Variants in TCF7 observed in about 807,000 individuals in gnomAD.
TCF7 encodes the protein transcription factor 7, also known as T-cell-factor-7.
A neutral mutation model predicts 46.8 loss-of-function variants in TCF7; 19 were observed. The observed-to-expected ratio is 0.41, with a 90% CI of 0.28 to 0.60. The LOEUF is 0.60. Among genes scored for constraint, TCF7 ranks in the 20% least tolerant of loss-of-function variants. TCF7 has a pLI of 0.35. For missense variants in TCF7, 547 were observed against 504.6 expected, an observed-to-expected ratio of 1.08 and a Z score of -0.81; for synonymous variants, 245 against 213.4, an observed-to-expected ratio of 1.15 and a Z score of -1.29.
intron 9 of TCF7, 155 bp from the exon 10 acceptor site, chr5:134,146,069 A>C (rs1580911295): frequency 6.3e-7 from 1 of 1,576,434 alleles, no homozygotes; most frequent in Non-Finnish European, 8.6e-7. Flanking sequence ...CAGACCAAGC[A>C]GAATGGCAGT....
At chr5:134,141,925 G>A in intron 5 of TCF7, 1 of 370,166 alleles carries the variant, frequency 2.7e-6, no homozygotes, top group East Asian at 4.5e-5. Context: ...GTGAGAAGGG[G>A]ACAGATTCAA....
chr5:134,113,030 G>A (rs531547198), upstream of TCF7, among the ~76,000 whole-genome samples: 1 of 152,304 alleles, frequency 6.6e-6, no homozygotes, highest in African/African-American at 2.4e-5. Flanking sequence ...CTCACCCTAT[G>A]CCAGACCCTA....
chr5:134,115,474 G>A (rs1580785017), intron 2 of TCF7, 87 bp downstream of exon 2: 2 of 1,516,892 alleles, frequency 1.3e-6, no homozygotes, highest in South Asian at 1.2e-5. Context: ...GCGGGGAGCC[G>A]GGTGCCTCCC....
chr5:134,143,780 A>T, intron 9 of TCF7, 140 bp downstream of exon 9: 1 of 879,924 alleles, frequency 1.1e-6, no homozygotes, highest in Non-Finnish European at 1.7e-6. Flanking sequence ...CAAGGCCTGC[A>T]TCTCACAAGT....
chr5:134,119,958 C>T (rs1478544532), intron 3 of TCF7, among the ~76,000 whole-genome samples: 2 of 152,192 alleles, frequency 1.3e-5, no homozygotes, highest in East Asian at 1.9e-4. Flanking sequence ...ACTGGGCCCC[C>T]AGACTGGAAC....
At chr5:134,118,617 AG>A (rs1756160201) in intron 3 of TCF7, among the ~76,000 whole-genome samples, 3 of 152,264 alleles carry the variant, frequency 2.0e-5, no homozygotes, top group African/African-American at 7.2e-5. Context: ...TCTTCCAAAA[AG>A]GTTCCTTCTT....
In TCF7 at chr5:134,139,025, C is replaced by A; in HGVS notation, c.622C>A (p.His208Asn). Residue 208 changes from histidine to asparagine, a missense_variant, in exon 5 of 10, where the codon CAC becomes AAC. Physicochemically the swap from His to Asn is moderately conservative, Grantham distance 68 (BLOSUM62 1). This residue lies in a region of TCF7 where 425 missense variants were observed against 349.9 expected (regional missense o/e 1.21). Coordinates refer to ENST00000342854, the MANE Select transcript of TCF7 (RefSeq NM_003202.5). ...LTSGSMGQLPHTVSWFTHPSL... is the reference protein window; with the variant it reads ...LTSGSMGQLPNTVSWFTHPSL... Reference sequence around the variant, plus strand: ...CTCAGGCAGCATGGGGCAGCTCCCCCACACTGTGAGCTGGTGAGTGTGGGC... The same window carrying A: ...CTCAGGCAGCATGGGGCAGCTCCCCAACACTGTGAGCTGGTGAGTGTGGGC... 6.2e-7 allele frequency: 1 copy of A among 1,613,886 alleles called. No individual in the cohort carries two copies. Among genetic ancestry groups the A allele is most frequent in the Non-Finnish European group, 8.5e-7 (1 of 1,180,008 alleles).
chr5:134,145,587 C>T, intron 9 of TCF7: 2 of 774,362 alleles, frequency 2.6e-6, no homozygotes, highest in East Asian at 2.7e-5. Context: ...GCCACTGGCT[C>T]TAAGGAACAC....
chr5:134,144,019 T>G (rs1760287783), intron 9 of TCF7: 1 of 212,364 alleles, frequency 4.7e-6, no homozygotes, highest in South Asian at 8.0e-5. Context: ...GAGGCTGAGC[T>G]AGGCCCCATG....
At chr5:134,143,282 C>T (rs755410610) in intron 8 of TCF7, 182 bp downstream of exon 8, 2 of 756,752 alleles carry the variant, frequency 2.6e-6, no homozygotes, top group East Asian at 4.9e-5. Flanking sequence ...ATCCTATTCT[C>T]CACTCCAGAA....
the TCF7 span, among the ~76,000 whole-genome samples, chr5:134,109,355 G>A: frequency 1.3e-5 from 2 of 152,172 alleles, no homozygotes; most frequent in African/African-American, 4.8e-5. Context: ...CTGTGAAGCT[G>A]CAGGTGACCC....
At chr5:134,135,337 T>A (rs1758711902) in intron 3 of TCF7, among the ~76,000 whole-genome samples, 1 of 152,070 alleles carries the variant, frequency 6.6e-6, no homozygotes, top group African/African-American at 2.4e-5. Context: ...AGTGACACGA[T>A]CTGATTCCTG....
intron 3 of TCF7, among the ~76,000 whole-genome samples, chr5:134,129,723 G>A (rs913001700): frequency 2.6e-5 from 4 of 152,252 alleles, no homozygotes; most frequent in Non-Finnish European, 5.9e-5. Context: ...AGGGTGCCTC[G>A]GGCCGGGTTG....
At chr5:134,128,896 C>T (rs1757716398) in intron 3 of TCF7, among the ~76,000 whole-genome samples, 1 of 152,174 alleles carries the variant, frequency 6.6e-6, no homozygotes, top group African/African-American at 2.4e-5. Context: ...GAATCAAAAT[C>T]ACCTCCTTCA....
chr5:134,126,505 A>G (rs1757361990), intron 3 of TCF7, among the ~76,000 whole-genome samples: 1 of 152,244 alleles, frequency 6.6e-6, no homozygotes, highest in African/African-American at 2.4e-5. Context: ...GTAGGTGCTC[A>G]GTAAGCAGTT....
At chr5:134,121,337 G>A (rs978405850) in intron 3 of TCF7, among the ~76,000 whole-genome samples, 4 of 151,494 alleles carry the variant, frequency 2.6e-5, no homozygotes, top group Admixed American at 2.0e-4. Context: ...TAATCCCAGC[G>A]CTTTGGGAGG....
intron 3 of TCF7, among the ~76,000 whole-genome samples, chr5:134,124,546 A>G (rs1757066934): frequency 6.6e-6 from 1 of 151,766 alleles, no homozygotes; most frequent in Non-Finnish European, 1.5e-5. Flanking sequence ...CTAGCAGACT[A>G]CTCTAGAGCC....
chr5:134,142,358 T>TCC (rs1759948074), intron 6 of TCF7, 54 bp downstream of exon 6: 2 of 1,306,390 alleles, frequency 1.5e-6, no homozygotes, highest in Non-Finnish European at 2.0e-6. Flanking sequence ...TACACATGCC[T>TCC]CCCCACCAGG....
upstream of TCF7, among the ~76,000 whole-genome samples, chr5:134,112,154 C>T (rs183073239): frequency 6.6e-6 from 1 of 152,296 alleles, no homozygotes; most frequent in East Asian, 1.9e-4. Context: ...CCAAACCCTC[C>T]TAAGCCATCC....
Sources: allele counts gnomAD v4.1 joint callset (sites outside exome capture counted in the v4.1 genomes callset), GRCh38; gene constraint gnomAD v4.1.1; regional missense constraint gnomAD v4.1.1; transcripts MANE v1.5; gene names NCBI Gene and HGNC (gene_info 2026-07-23, HGNC 2026-07-21).